Variants in ROBO1 observed in about 807,000 individuals in gnomAD.
The protein encoded by ROBO1 is roundabout guidance receptor 1, also known as roundabout homolog 1.
Under a neutral mutation model 195.9 loss-of-function variants are expected in ROBO1, and 149 were observed. That is an observed-to-expected ratio of 0.76 (90% CI 0.67 to 0.87). The LOEUF (loss-of-function observed/expected upper bound fraction) is 0.87. ROBO1 is among the 40% of genes least tolerant of loss of function. The pLI, the probability that ROBO1 is intolerant of heterozygous loss-of-function variation, is 0.00. For missense variants in ROBO1, 1,933 were observed against 2,068.3 expected (o/e 0.93, Z 1.27); for synonymous variants, 816 against 733.2 (o/e 1.11, Z -1.82).
intron 2 of ROBO1, among the ~76,000 whole-genome samples, chr3:79,232,589 A>G (rs1265795184): frequency 6.6e-6 from 1 of 152,126 alleles, no homozygotes; most frequent in Non-Finnish European, 1.5e-5. Flanking sequence ...AACATTCTAA[A>G]GAACCACAGA....
chr3:79,696,604 T>A (rs561092836), intron 1 of ROBO1, among the ~76,000 whole-genome samples: 2 of 151,140 alleles, frequency 1.3e-5, no homozygotes, highest in African/African-American at 4.8e-5. Context: ...TAATTCAAAT[T>A]AATAAGGATA....
At chr3:79,213,840 G>A (rs1419397046) in intron 2 of ROBO1, among the ~76,000 whole-genome samples, 1 of 16,310 alleles carries the variant, frequency 6.1e-5, no homozygotes. Flanking sequence ...TTTTTTTTTT[G>A]TGAGAGAGAG....
chr3:78,827,060 C>T (rs1394837143), intron 4 of ROBO1, among the ~76,000 whole-genome samples: 2 of 152,070 alleles, frequency 1.3e-5, no homozygotes, highest in African/African-American at 2.4e-5. Flanking sequence ...TAGTTATAAA[C>T]ATAGTCCTCA....
At chr3:79,013,825 A>G (rs1158130131) in intron 3 of ROBO1, among the ~76,000 whole-genome samples, 1 of 152,190 alleles carries the variant, frequency 6.6e-6, no homozygotes, top group Admixed American at 6.6e-5. Context: ...TGATAGTCCT[A>G]GCTTCACAGT....
intron 4 of ROBO1, among the ~76,000 whole-genome samples, chr3:78,826,626 C>T (rs944630724): frequency 6.6e-6 from 1 of 152,280 alleles, no homozygotes; most frequent in Non-Finnish European, 1.5e-5. Context: ...ATCTATGCTT[C>T]TTGGACAGCA....
chr3:78,721,075 C>T (rs1224454537), intron 5 of ROBO1, among the ~76,000 whole-genome samples: 1 of 151,780 alleles, frequency 6.6e-6, no homozygotes. Context: ...TGTGCACATG[C>T]ACCCTAAAAC....
chr3:79,409,694 G>T lies in ROBO1; in HGVS notation c.88+180130C>A, dbSNP rs115723330. ...CCAAAGATTTATTTGAATAGGAAAAGGTTGAAACCCATGAGTCTAAGTTCC... is the reference window on the plus strand; with the variant it reads ...CCAAAGATTTATTTGAATAGGAAAATGTTGAAACCCATGAGTCTAAGTTCC... On this transcript the variant is annotated intron_variant, in intron 2 of 30. Transcript: ENST00000464233. Among the ~76,000 whole-genome samples the T allele has an allele frequency of 8.2e-3, 1,250 of 152,142 alleles. 22 individuals carry two copies. The highest frequency in any genetic ancestry group is 0.029 in the African/African-American group (1,190 of 41,522).
At chr3:79,001,477 T>C (rs926173842) in intron 3 of ROBO1, among the ~76,000 whole-genome samples, 10 of 151,996 alleles carry the variant, frequency 6.6e-5, no homozygotes, top group African/African-American at 2.2e-4. Flanking sequence ...TCGTGAACTT[T>C]GTGTGTAGTG....
chr3:79,063,783 T>G lies in ROBO1; in HGVS notation c.172+61673A>C, dbSNP rs138806353. Among the ~76,000 whole-genome samples the G allele has an allele frequency of 9.9e-4, 150 of 151,500 alleles. 3 individuals are homozygous for G. In the East Asian group the frequency reaches 0.018, roughly 18 times the overall value. On this transcript the variant is annotated intron_variant, in intron 3 of 30. Coordinates refer to ENST00000464233, the MANE Select transcript of ROBO1 (RefSeq NM_002941.4). ...ATCCTGAAGTCAGCTTTGATGGGAG[T>G]GTTAATTGGATAGAAATAGGCAAAC...
intron 8 of ROBO1, among the ~76,000 whole-genome samples, chr3:78,701,690 C>T (rs1272223603): frequency 6.6e-6 from 1 of 152,150 alleles, no homozygotes; most frequent in East Asian, 1.9e-4. Context: ...ATTTCACCAT[C>T]CACAAAATAA....
At chr3:79,564,903 A>T (rs1382929303) in intron 2 of ROBO1, among the ~76,000 whole-genome samples, 1 of 152,108 alleles carries the variant, frequency 6.6e-6, no homozygotes, top group Non-Finnish European at 1.5e-5. Flanking sequence ...TATGAAATAC[A>T]CTTCATTTGA....
intron 8 of ROBO1, among the ~76,000 whole-genome samples, chr3:78,700,506 C>T (rs1575966541): frequency 6.6e-6 from 1 of 152,208 alleles, no homozygotes; most frequent in Middle Eastern, 3.4e-3. Flanking sequence ...AGATCCTCTC[C>T]AAAAGGAATC....
intron 2 of ROBO1, among the ~76,000 whole-genome samples, chr3:79,287,583 G>A (rs959790176): frequency 6.6e-6 from 1 of 152,114 alleles, no homozygotes; most frequent in Non-Finnish European, 1.5e-5. Context: ...CCATCTTCCA[G>A]ATGGTTCCTC....
intron 6 of ROBO1, 108 bp downstream of exon 6, chr3:78,717,655 C>T (rs989918522): frequency 1.6e-6 from 2 of 1,231,304 alleles, no homozygotes; most frequent in Non-Finnish European, 2.2e-6. Context: ...TTTCTACCCA[C>T]CCCCTAAAAA....
chr3:78,914,513 T>G (rs1412405304), intron 4 of ROBO1, among the ~76,000 whole-genome samples: 2 of 151,914 alleles, frequency 1.3e-5, no homozygotes, highest in Non-Finnish European at 2.9e-5. Context: ...AACATCCTAT[T>G]TGGGCTCCAA....
At chr3:79,334,584 C>T (rs6788829) in intron 2 of ROBO1, among the ~76,000 whole-genome samples, 1 of 151,710 alleles carries the variant, frequency 6.6e-6, no homozygotes, top group Non-Finnish European at 1.5e-5. Flanking sequence ...GCCCTCTCTA[C>T]AGTGAAGACA....
chr3:78,644,648 A>G (rs781742755), intron 21 of ROBO1, among the ~76,000 whole-genome samples: 5 of 152,182 alleles, frequency 3.3e-5, no homozygotes, highest in Non-Finnish European at 7.3e-5. Flanking sequence ...CAAATAGCTC[A>G]GGAACTTTGT....
At chr3:78,624,993 T>C (rs572571446) in intron 26 of ROBO1, among the ~76,000 whole-genome samples, 1 of 152,102 alleles carries the variant, frequency 6.6e-6, no homozygotes, top group Admixed American at 6.5e-5. Context: ...GGGGGGAAAG[T>C]AAATAAAGGG....
At chr3:79,739,198 C>G (rs948555294) in intron 1 of ROBO1, among the ~76,000 whole-genome samples, 4 of 152,096 alleles carry the variant, frequency 2.6e-5, no homozygotes, top group African/African-American at 9.7e-5. Flanking sequence ...AGTTTTAAGT[C>G]ATTAATCTTG....
Sources: gnomAD v4.1 joint callset for allele counts (sites outside exome capture counted in the v4.1 genomes callset) on GRCh38, gnomAD v4.1.1 for gene constraint, MANE v1.5 for transcripts, NCBI Gene and HGNC (gene_info 2026-07-23, HGNC 2026-07-21) for gene names.